OARD1: variants seen among roughly 807,000 people sequenced by gnomAD.
The protein encoded by OARD1 is ADP-ribose glycohydrolase OARD1.
OARD1 carries 19 observed loss-of-function variants against 19.7 expected under a neutral mutation model. The observed-to-expected ratio is 0.96, with a 90% CI of 0.67 to 1.41. The LOEUF (loss-of-function observed/expected upper bound fraction) is 1.41, where lower values mean the gene tolerates loss of function less well. Among genes scored for constraint, OARD1 ranks in the 40% most tolerant of loss-of-function variants. The pLI is 0.00. For missense variants in OARD1, 190 were observed against 183.8 expected, an observed-to-expected ratio of 1.03 and a Z score of -0.20; for synonymous variants, 70 against 61.8, an observed-to-expected ratio of 1.13 and a Z score of -0.62.
At chr6:41,076,160 C>A (rs1763727939), upstream of OARD1, among the ~76,000 whole-genome samples, 1 of 152,138 alleles carries the variant, frequency 6.6e-6, no homozygotes, top group Admixed American at 6.5e-5. Context: ...GTAATCCCAG[C>A]ACTTTGGGAA....
At chr6:41,081,006 G>A (rs1260206445) in intron 1 of OARD1, 2 of 792,838 alleles carry the variant, frequency 2.5e-6, no homozygotes, top group Non-Finnish European at 4.2e-6. Flanking sequence ...TCAGTTGCAT[G>A]TCTTTGATGC....
At chr6:41,069,137 AC>A (rs1467913020) in intron 4 of OARD1, 184 bp from the exon 5 acceptor site, 2 of 425,736 alleles carry the variant, frequency 4.7e-6, no homozygotes, top group Non-Finnish European at 8.3e-6. Flanking sequence ...AAGAAAATCC[AC>A]TAAATAGAGG....
At chr6:41,072,989 T>TGGCGGCGGCAGC (rs1001551680), upstream of OARD1, 4 of 155,002 alleles carry the variant, frequency 2.6e-5, no homozygotes, top group Admixed American at 6.5e-5. Flanking sequence ...GCAGCGGCAG[T>TGGCGGCGGCAGC]GGCGGCGGCA....
At chr6:41,070,369 T>C (rs1012694733) in intron 3 of OARD1, among the ~76,000 whole-genome samples, 1 of 152,220 alleles carries the variant, frequency 6.6e-6, no homozygotes, top group African/African-American at 2.4e-5. Flanking sequence ...TCACAACCCA[T>C]CTTTTGTACC....
intron 1 of OARD1, 149 bp from the exon 2 acceptor site, chr6:41,071,824 C>T (rs942570928): frequency 2.3e-5 from 13 of 562,320 alleles, no homozygotes; most frequent in Non-Finnish European, 3.8e-5. Flanking sequence ...AATACAAAAC[C>T]CTTCTGGGGC....
intron 1 of OARD1, among the ~76,000 whole-genome samples, chr6:41,088,655 G>A (rs781383426): frequency 1.3e-5 from 2 of 151,702 alleles, no homozygotes; most frequent in Non-Finnish European, 2.9e-5. Flanking sequence ...GCGGATCTTG[G>A]CTCACTGCAA....
rs1763008684 is a variant in OARD1 at position 41,066,369 on chromosome 6, AGTCATCCTCC to A, written c.*956_*965del. On this transcript the variant is annotated 3_prime_UTR_variant, in exon 6 of 6. Transcript: ENST00000424266. ...GGTTTGTCTCAAACTCCTGGGCTCA[AGTCATCCTCC>A]AGTCTCAGCCTCTCAAAGTGCTGAG... 1.3e-5 allele frequency: 2 copies of A among 152,156 alleles called. No individual in the cohort carries two copies. The highest frequency in any genetic ancestry group is 4.8e-5 in the African/African-American group (2 of 41,432). 9.4% of individuals were successfully genotyped at this position (152,156 alleles called of 1,614,324 possible). A position where few individuals can be genotyped will look rare whatever the true frequency, so the allele number is the denominator to read the frequency against.
intron 4 of OARD1, 163 bp downstream of exon 4, chr6:41,069,913 A>G: frequency 1.4e-6 from 1 of 692,490 alleles, no homozygotes; most frequent in Admixed American, 2.4e-5. Context: ...AGCCGCCATC[A>G]CTGGACTGGA....
chr6:41,071,404 C>A, intron 2 of OARD1, 128 bp from the exon 3 acceptor site: 1 of 1,066,052 alleles, frequency 9.4e-7, no homozygotes, highest in Non-Finnish European at 1.4e-6. Context: ...GATTTAAAGC[C>A]AAACCAATTA....
intron 1 of OARD1, among the ~76,000 whole-genome samples, chr6:41,078,672 TAAAG>T (rs1472496510): frequency 6.6e-6 from 1 of 152,220 alleles, no homozygotes; most frequent in Non-Finnish European, 1.5e-5. Flanking sequence ...TGTTACAACT[TAAAG>T]AAGCTTTATT....
At chr6:41,088,800 GGTCTC>G (rs1158860989) in intron 1 of OARD1, among the ~76,000 whole-genome samples, 1 of 152,032 alleles carries the variant, frequency 6.6e-6, no homozygotes, top group East Asian at 1.9e-4. Flanking sequence ...TGCCCAGGCT[GGTCTC>G]GAACTCCTGA....
chr6:41,089,118 G>A (rs1764128355), intron 1 of OARD1, among the ~76,000 whole-genome samples: 1 of 151,968 alleles, frequency 6.6e-6, no homozygotes, highest in African/African-American at 2.4e-5. Flanking sequence ...CAAGTAGCTG[G>A]GATTACAGGC....
intron 3 of OARD1, among the ~76,000 whole-genome samples, chr6:41,070,627 T>C (rs1044180220): frequency 3.1e-4 from 47 of 152,338 alleles, no homozygotes; most frequent in African/African-American, 7.2e-4. Flanking sequence ...GCAGTAAGAA[T>C]TGCTTTTGTC....
At chr6:41,087,544 A>C (rs1370466882) in intron 1 of OARD1, among the ~76,000 whole-genome samples, 1 of 152,232 alleles carries the variant, frequency 6.6e-6, no homozygotes, top group Non-Finnish European at 1.5e-5. Flanking sequence ...ATGTTGAAGC[A>C]ATGCTCAAAT....
intron 1 of OARD1, among the ~76,000 whole-genome samples, chr6:41,086,376 T>G (rs908707554): frequency 6.6e-5 from 10 of 152,232 alleles, no homozygotes; most frequent in Non-Finnish European, 1.5e-4. Flanking sequence ...ATAAGGAACC[T>G]TCAAATAGTT....
chr6:41,071,571 C>T (rs1165862534), intron 2 of OARD1, 25 bp downstream of exon 2: 3 of 1,593,702 alleles, frequency 1.9e-6, no homozygotes, highest in Admixed American at 1.7e-5. Flanking sequence ...TTCAGTTCAC[C>T]AATAAGTCAA....
chr6:41,070,687 G>A (rs1582004659), intron 3 of OARD1: 1 of 264,804 alleles, frequency 3.8e-6, no homozygotes, highest in East Asian at 9.4e-5. Flanking sequence ...CTGGAATGTG[G>A]TCGGAGAAAC....
chr6:41,087,165 C>T (rs1470874596), intron 1 of OARD1, among the ~76,000 whole-genome samples: 1 of 152,162 alleles, frequency 6.6e-6, no homozygotes, highest in East Asian at 1.9e-4. Context: ...CCAATATAAA[C>T]TTAGAAATGA....
chr6:41,096,716 C>T lies in OARD1; in HGVS notation c.-42+997G>A, dbSNP rs549727764. Reference sequence around the variant, plus strand: ...TCTTGCGGAGTGTTGCAAAAAGCTTCCAAGGATTTATCCTTGTGTTAACAC... The same window carrying T: ...TCTTGCGGAGTGTTGCAAAAAGCTTTCAAGGATTTATCCTTGTGTTAACAC... On this transcript the variant is annotated intron_variant, in intron 1 of 4. Coordinates refer to the OARD1 transcript ENST00000480585. Among the ~76,000 whole-genome samples the T allele has an allele frequency of 4.6e-5, 7 of 152,276 alleles. No individual in the cohort carries two copies. The South Asian group carries it at 1.5e-3, about 32-fold the overall frequency.
Sources: gnomAD v4.1 joint callset for allele counts (sites outside exome capture counted in the v4.1 genomes callset) on GRCh38, gnomAD v4.1.1 for gene constraint, MANE v1.5 for transcripts, NCBI Gene and HGNC (gene_info 2026-07-23, HGNC 2026-07-21) for gene names.